The following PTPN7 variants were observed in gnomAD, a reference collection of about 807,000 sequenced individuals.
PTPN7 encodes tyrosine-protein phosphatase non-receptor type 7.
A neutral mutation model predicts 50.3 loss-of-function variants in PTPN7; 33 were observed. That is an observed-to-expected ratio of 0.66 (90% confidence interval 0.50 to 0.88). The LOEUF (loss-of-function observed/expected upper bound fraction) is 0.88. Ranked by LOEUF, PTPN7 falls within the 40% of genes least tolerant of loss-of-function variation. The probability of loss-of-function intolerance (pLI) is 0.00; values close to 1 mark genes in which losing one functional copy is unlikely to be tolerated. For synonymous variants in PTPN7, 185 were observed against 186.6 expected (o/e 0.99, Z 0.07); for missense variants, 412 against 475.4 (o/e 0.87, Z 1.24).
chr1:202,152,409 C>A, intron 8 of PTPN7, 133 bp downstream of exon 8: 1 of 1,092,578 alleles, frequency 9.2e-7, no homozygotes, highest in East Asian at 2.6e-5. Flanking sequence ...TGCTGAATGG[C>A]CTTGCGAGTC....
rs1331650486 is a variant in PTPN7, at chr1:202,153,811, C to T, written c.631G>A (p.Glu211Lys). 5.6e-6 allele frequency: 9 copies of T among 1,613,960 alleles called. No individual in the cohort carries two copies. In the African/African-American group the frequency reaches 9.3e-5, roughly 17 times the overall value. ...TGGAAGGGTCCATAGGTTTCCTCTT[C>T]TGTGGGCCAGTAGTGGACACATTTC... Reference protein sequence around the residue: ...KEKCVHYWPTEEETYGPFQIR... With the variant: ...KEKCVHYWPTKEETYGPFQIR... The change falls in exon 7 of 10, where the codon GAA becomes AAA. Residue 211 changes from glutamate to lysine, a missense_variant. By Grantham distance (56) the Glu-to-Lys change is moderately conservative. Coordinates refer to ENST00000691036, the MANE Select transcript of PTPN7 (RefSeq NM_002832.4).
chr1:202,160,902 C>G (rs977287993), upstream of PTPN7: 25 of 1,454,874 alleles, frequency 1.7e-5, no homozygotes, highest in Non-Finnish European at 2.2e-5. This position sits in a 1 kb window ranked among gnomAD's most constrained non-coding sequence, Gnocchi z 4.8. Flanking sequence ...CTGGGCACAG[C>G]TCGCCTGACC....
intron 5 of PTPN7, 84 bp from the exon 6 acceptor site, chr1:202,154,407 G>T: frequency 6.6e-7 from 1 of 1,505,606 alleles, no homozygotes; most frequent in East Asian, 2.3e-5. Context: ...AGGTGCTGGG[G>T]TCAGCCTGAA....
chr1:202,150,356 C>T lies in PTPN7; in HGVS notation c.944G>A (p.Gly315Glu), dbSNP rs372813298. ...RIGCQQLKAR[G>E]EVDILGIVCQ... The stretch of plus-strand genomic sequence containing the variant: ...CACAATACCCAGAATGTCCACTTCT[C>T]CTCGGGCTTTCAGCTGTTGACAGCC... The change falls in exon 9 of 10, where the codon GGA becomes GAA. Residue 315 changes from glycine to glutamate, a missense_variant. Transcript: ENST00000691036. The T allele has an allele frequency of 7.1e-5, 114 of 1,612,948 alleles. No individual in the cohort carries two copies. Among genetic ancestry groups the T allele is most frequent in the Non-Finnish European group, 9.3e-5 (110 of 1,179,576 alleles).
In PTPN7 at chr1:202,158,320, A is replaced by G; in HGVS notation, c.123-19T>C. ...GCCCCGCCTGCAGGCATAGCCCACCACTGCCTAGTGAGCACCCAATCATAT... is the reference window on the plus strand; with the variant it reads ...GCCCCGCCTGCAGGCATAGCCCACCGCTGCCTAGTGAGCACCCAATCATAT... On this transcript the variant is annotated intron_variant, in intron 2 of 9. Coordinates refer to ENST00000691036, the MANE Select transcript of PTPN7 (RefSeq NM_002832.4). 6 of 1,611,842 alleles carry G rather than the reference A, an allele frequency of 3.7e-6. No individual in the cohort carries two copies. The South Asian group carries it at 4.4e-5, about 12-fold the overall frequency.
intron 5 of PTPN7, 44 bp from the exon 6 acceptor site, chr1:202,154,367 G>A: frequency 1.9e-6 from 3 of 1,583,578 alleles, no homozygotes; most frequent in Non-Finnish European, 2.6e-6. Context: ...AGCAGTGAGA[G>A]CAGAGCTCTG....
Position 202,159,490 on chromosome 1 carries a change from C to CT in PTPN7, c.-52-37dup. 6.3e-7 allele frequency: 1 copy of CT among 1,592,312 alleles called. No homozygotes were observed. Among genetic ancestry groups the CT allele is most frequent in the Non-Finnish European group, 8.6e-7 (1 of 1,165,106 alleles). On this transcript the variant is annotated intron_variant, in intron 1 of 9. Coordinates refer to ENST00000691036, the MANE Select transcript of PTPN7 (RefSeq NM_002832.4). The surrounding 1 kb of genome is among the most constrained non-coding windows in gnomAD (Gnocchi z 4.6). The stretch of plus-strand genomic sequence containing the variant: ...GGGCCCTCCGCTGCTGTTCTCTGGC[C>CT]TGCCTGATTGGCCAGAAGGAGGCTC...
chr1:202,161,482 C>T (rs1657368364), upstream of PTPN7: 2 of 1,289,694 alleles, frequency 1.6e-6, no homozygotes, highest in African/African-American at 3.0e-5. Context: ...GGGTGGCCCC[C>T]AAGTCCAAGA....
In PTPN7 at chr1:202,148,644, G is replaced by C; in HGVS notation, c.1045C>G (p.Leu349Val). Residue 349 changes from leucine to valine, a missense_variant, in exon 10 of 10, where the codon CTG becomes GTG. By Grantham distance (32) the Leu-to-Val change is conservative (BLOSUM62 1). Coordinates refer to ENST00000691036, the MANE Select transcript of PTPN7 (RefSeq NM_002832.4). Reference sequence around the variant, plus strand: ...TCCTCAGGCAGCTGGCCTGCATACAGGGCCAAAGTGTGGTGCAGGAACTGG... The same window carrying C: ...TCCTCAGGCAGCTGGCCTGCATACACGGCCAAAGTGTGGTGCAGGAACTGG... The part of the protein sequence containing the change: ...QYQFLHHTLA[L>V]YAGQLPEEPS... 1 of 1,613,936 alleles carries C rather than the reference G, an allele frequency of 6.2e-7. No homozygotes were observed. Among genetic ancestry groups the C allele is most frequent in the Non-Finnish European group, 8.5e-7 (1 of 1,179,904 alleles).
At position 202,159,711 on chromosome 1, in the gene PTPN7, AAGAG is replaced by A; in HGVS notation, c.-52-261_-52-258del. 7.3e-7 allele frequency: 1 copy of A among 1,363,212 alleles called. No individual in the cohort carries two copies. Among genetic ancestry groups the A allele is most frequent in the Non-Finnish European group, 9.4e-7 (1 of 1,059,068 alleles). The allele number at this position is 1,363,212 out of a possible 1,614,324, so 84.4% of individuals were successfully genotyped here. A position where few individuals can be genotyped will look rare whatever the true frequency, so the allele number is the denominator to read the frequency against. ...ATAGGAAAGAATCCAGAAGGAGGAA[AAGAG>A]AGAGGGGAGAGAGGCCACACACCAG... On this transcript the variant is annotated intron_variant, in intron 1 of 9. Coordinates refer to ENST00000691036, the MANE Select transcript of PTPN7 (RefSeq NM_002832.4). The surrounding 1 kb of genome is among the most constrained non-coding windows in gnomAD (Gnocchi z 4.6).
chr1:202,159,299 T>C lies in PTPN7; in HGVS notation c.104A>G (p.His35Arg). The C allele has an allele frequency of 6.2e-7, 1 of 1,614,174 alleles. No individual in the cohort carries two copies. Among genetic ancestry groups the C allele is most frequent in the Non-Finnish European group, 8.5e-7 (1 of 1,180,016 alleles). The change falls in exon 2 of 10, where the codon CAT (histidine) becomes CGT (arginine). Residue 35 changes from histidine to arginine, a missense_variant. Transcript: ENST00000691036. This position sits in a 1 kb window ranked among gnomAD's most constrained non-coding sequence, Gnocchi z 4.6. ...PPPEKTPAKK[H>R]VRLQERRGSN... ...ATCTCACCTCTCCTGCAGTCGCACA[T>C]GCTTCTTGGCTGGCGTTTTTTCAGG...
rs1276140169 is a variant in PTPN7, at chr1:202,160,181, G to A, written c.-53+364C>T. On this transcript the variant is annotated intron_variant, in intron 1 of 9. Transcript: ENST00000691036. This position sits in a 1 kb window ranked among gnomAD's most constrained non-coding sequence, Gnocchi z 4.8. ...GAGGTGGTGGGACCATCTCCTCTTG[G>A]GGGCAGTCCCTATCTCCCAGAGCCA... Among the ~76,000 whole-genome samples the A allele has an allele frequency of 6.6e-6, 1 of 152,130 alleles. No homozygotes were observed. The highest frequency in any genetic ancestry group is 1.5e-5 in the Non-Finnish European group (1 of 68,004).
chr1:202,157,664 G>A, intron 4 of PTPN7, 75 bp downstream of exon 4: 1 of 1,385,834 alleles, frequency 7.2e-7, no homozygotes, highest in South Asian at 1.2e-5. Context: ...GGCTGAAACT[G>A]TGTACTTTGT....
At chr1:202,155,676 G>C in intron 4 of PTPN7, 67 bp from the exon 5 acceptor site, 1 of 1,365,456 alleles carries the variant, frequency 7.3e-7, no homozygotes, top group East Asian at 2.3e-5. Context: ...CTCAAGCAGG[G>C]TCAGAAAGAG....
intron 5 of PTPN7, among the ~76,000 whole-genome samples, chr1:202,154,657 A>G (rs1322601841): frequency 6.6e-6 from 1 of 152,236 alleles, no homozygotes; most frequent in African/African-American, 2.4e-5. Flanking sequence ...AGATATATTG[A>G]GAGTCTAGCC....
chr1:202,153,894 C>A, intron 6 of PTPN7, 59 bp from the exon 7 acceptor site: 1 of 1,376,180 alleles, frequency 7.3e-7, no homozygotes, highest in South Asian at 1.2e-5. Flanking sequence ...GACAGGGCAG[C>A]AGAGAGGGGC....
chr1:202,156,719 C>T lies in PTPN7; in HGVS notation c.391+1020G>A, dbSNP rs1045881606. Among the ~76,000 whole-genome samples the T allele has an allele frequency of 5.3e-4, 81 of 152,168 alleles. 1 individual carries two copies. Among genetic ancestry groups the T allele is most frequent in the Admixed American group, 4.8e-3 (74 of 15,272 alleles). On this transcript the variant is annotated intron_variant, in intron 4 of 9. Coordinates refer to ENST00000691036, the MANE Select transcript of PTPN7 (RefSeq NM_002832.4). ...GAATAGCGCTAATAGCACCTTGATC[C>T]GCCCATGCAGGCAGAGGACACTCCA... is the stretch of plus-strand genomic sequence containing the variant.
Position 202,160,000 on chromosome 1 carries a change from G to T in PTPN7, c.-53+545C>A, listed in dbSNP as rs898592569. On this transcript the variant is annotated intron_variant, in intron 1 of 9. Transcript: ENST00000691036. This position sits in a 1 kb window ranked among gnomAD's most constrained non-coding sequence, Gnocchi z 4.6. ...CCCAGGTCTGTTTCTGGCTTCTGGG[G>T]TCTCTGTCCAGGGAGGTAGGCTGGA... The T allele has an allele frequency of 4.7e-5, 47 of 997,074 alleles. No homozygotes were observed. Among genetic ancestry groups the T allele is most frequent in the Non-Finnish European group, 5.3e-5 (44 of 837,116 alleles). The allele number at this position is 997,074 out of a possible 1,614,324, so 61.8% of individuals were successfully genotyped here. A position where few individuals can be genotyped will look rare whatever the true frequency, so the allele number is the denominator to read the frequency against.
Position 202,159,114 on chromosome 1 carries a change from T to C in PTPN7, c.122+167A>G, listed in dbSNP as rs1454086333. 7.6e-6 allele frequency: 5 copies of C among 657,890 alleles called. No homozygotes were observed. In the Admixed American group the frequency reaches 8.6e-5, roughly 11 times the overall value. The allele number at this position is 657,890 out of a possible 1,614,324, so 40.8% of individuals were successfully genotyped here. A position where few individuals can be genotyped will look rare whatever the true frequency, so the allele number is the denominator to read the frequency against. The stretch of plus-strand genomic sequence containing the variant: ...GATATGAAACTCTGTGCTCCAGACA[T>C]GCAAAAGACATGCAAATGAGCACTA... On this transcript the variant is annotated intron_variant, in intron 2 of 9. Transcript: ENST00000691036. This position sits in a 1 kb window ranked among gnomAD's most constrained non-coding sequence, Gnocchi z 4.6.
Sources: gnomAD v4.1 joint callset for allele counts (sites outside exome capture counted in the v4.1 genomes callset) on GRCh38, gnomAD v4.1.1 for gene constraint, Gnocchi (gnomAD v3.1) non-coding constraint, MANE v1.5 for transcripts, NCBI Gene and HGNC (gene_info 2026-07-23, HGNC 2026-07-21) for gene names.